The following RALYL variants were observed in gnomAD, a reference collection of about 807,000 sequenced individuals.
RALYL encodes RNA-binding Raly-like protein.
In RALYL, 29 loss-of-function variants were observed where a neutral mutation model predicts 35.1. The ratio of observed to expected loss-of-function variants is 0.83; its 90% CI spans 0.61 to 1.13. The LOEUF (loss-of-function observed/expected upper bound fraction) is 1.13, where lower values mean the gene tolerates loss of function less well. Ranked by LOEUF, RALYL falls within the 50% of genes most tolerant of loss-of-function variation. The pLI, the probability that RALYL is intolerant of heterozygous loss-of-function variation, is 0.00. For missense variants in RALYL, 359 were observed against 360.4 expected (o/e 1.00, Z 0.03); for synonymous variants, 120 against 127.6 (o/e 0.94, Z 0.40).
At chr8:84,305,578 G>GT (rs1437153922) in intron 1 of RALYL, among the ~76,000 whole-genome samples, 1 of 152,168 alleles carries the variant, frequency 6.6e-6, no homozygotes, top group Non-Finnish European at 1.5e-5. Flanking sequence ...TTCAATTGCT[G>GT]TTTTTTGTTG....
intron 2 of RALYL, among the ~76,000 whole-genome samples, chr8:84,640,436 A>G (rs1273881093): frequency 6.6e-6 from 1 of 152,018 alleles, no homozygotes; most frequent in African/African-American, 2.4e-5. Context: ...AAAGTACTTG[A>G]ATTTAATCAG....
chr8:84,307,508 A>G (rs955276269), intron 1 of RALYL, among the ~76,000 whole-genome samples: 57 of 152,214 alleles, frequency 3.7e-4, no homozygotes, highest in African/African-American at 1.3e-3. Context: ...AACCACGTAT[A>G]TTTTAAATTA....
intron 2 of RALYL, among the ~76,000 whole-genome samples, chr8:84,771,284 C>T (rs1187433527): frequency 2.0e-5 from 3 of 151,742 alleles, no homozygotes; most frequent in Non-Finnish European, 2.9e-5. Context: ...AAATATGCTA[C>T]CATTTGTTTA....
At chr8:84,525,953 C>CTTTTTTTTTTTTTTTTTTTTTTTTT (rs35794329) in intron 1 of RALYL, among the ~76,000 whole-genome samples, 10 of 104,864 alleles carry the variant, frequency 9.5e-5, no homozygotes, top group Non-Finnish European at 1.3e-4. Context: ...TTTCTTTTTT[C>CTTTTTTTTTTTTTTTTTTTTTTTTT]TTTTTTTTTT....
intron 4 of RALYL, among the ~76,000 whole-genome samples, chr8:84,814,344 AT>A (rs1010409851): frequency 2.0e-5 from 3 of 152,204 alleles, no homozygotes; most frequent in Non-Finnish European, 4.4e-5. Context: ...AGTTATTATA[AT>A]GGGGAAAGAT....
intron 2 of RALYL, among the ~76,000 whole-genome samples, chr8:84,571,716 G>A (rs1588254929): frequency 2.0e-5 from 3 of 151,784 alleles, no homozygotes; most frequent in South Asian, 4.1e-4. Flanking sequence ...TTGTTAATTT[G>A]AGATCTTTCT....
At chr8:84,358,633 A>G (rs1034884649) in intron 1 of RALYL, among the ~76,000 whole-genome samples, 1 of 152,072 alleles carries the variant, frequency 6.6e-6, no homozygotes, top group Non-Finnish European at 1.5e-5. Context: ...ATGAAATTAC[A>G]TGCTGAGAAG....
chr8:84,332,641 T>C (rs912287999), intron 1 of RALYL, among the ~76,000 whole-genome samples: 4 of 152,142 alleles, frequency 2.6e-5, no homozygotes, highest in African/African-American at 9.7e-5. Context: ...TTTCCCCTTT[T>C]TTATGTGTAC....
intron 2 of RALYL, among the ~76,000 whole-genome samples, chr8:84,566,173 C>T (rs923996055): frequency 8.6e-5 from 13 of 151,496 alleles, no homozygotes; most frequent in Non-Finnish European, 1.6e-4. Context: ...TAGAACATTT[C>T]GTGCTTTCTC....
chr8:84,623,957 T>C (rs1017278312), intron 2 of RALYL, among the ~76,000 whole-genome samples: 21 of 152,196 alleles, frequency 1.4e-4, no homozygotes, highest in Non-Finnish European at 1.5e-5. Flanking sequence ...GGAGATGAGA[T>C]ACTTCTCTTT....
intron 1 of RALYL, among the ~76,000 whole-genome samples, chr8:84,410,318 A>G (rs574664251): frequency 6.6e-6 from 1 of 152,074 alleles, no homozygotes; most frequent in African/African-American, 2.4e-5. Context: ...AACAAGGCTT[A>G]CATTTCTAAC....
intron 2 of RALYL, among the ~76,000 whole-genome samples, chr8:84,718,572 T>C (rs767003938): frequency 3.9e-5 from 6 of 152,048 alleles, no homozygotes; most frequent in Non-Finnish European, 8.8e-5. Flanking sequence ...AAAACCAGAC[T>C]GGCCAACATG....
chr8:84,503,589 A>G (rs1037433315), intron 1 of RALYL, among the ~76,000 whole-genome samples: 1 of 151,544 alleles, frequency 6.6e-6, no homozygotes, highest in Non-Finnish European at 1.5e-5. Flanking sequence ...GGTGGCTCAC[A>G]CCTGTAATCC....
At chr8:84,448,772 T>G (rs545737821) in intron 1 of RALYL, among the ~76,000 whole-genome samples, 75 of 152,186 alleles carry the variant, frequency 4.9e-4, no homozygotes, top group Non-Finnish European at 7.9e-4. Flanking sequence ...GTAAAAATCT[T>G]GGGATATATG....
At chr8:84,803,802 G>GTTGT (rs1385084626) in intron 3 of RALYL, among the ~76,000 whole-genome samples, 1 of 152,148 alleles carries the variant, frequency 6.6e-6, no homozygotes, top group Non-Finnish European at 1.5e-5. Flanking sequence ...TAGTGCCTTC[G>GTTGT]TTGTTTGGAC....
chr8:84,199,198 T>A (rs935174652), intron 1 of RALYL, among the ~76,000 whole-genome samples: 6 of 152,232 alleles, frequency 3.9e-5, no homozygotes, highest in African/African-American at 1.4e-4. Context: ...TTACCTGGGA[T>A]GAGATGATAT....
chr8:84,494,317 T>C (rs2055731057), intron 1 of RALYL, among the ~76,000 whole-genome samples: 1 of 152,184 alleles, frequency 6.6e-6, no homozygotes, highest in Non-Finnish European at 1.5e-5. Context: ...CCTTGTAGTA[T>C]AGTTTGAAGT....
At chr8:84,709,463 T>C (rs974895823) in intron 2 of RALYL, among the ~76,000 whole-genome samples, 1 of 152,130 alleles carries the variant, frequency 6.6e-6, no homozygotes, top group Non-Finnish European at 1.5e-5. Flanking sequence ...CATACATATA[T>C]GCTTTTAAAG....
intron 2 of RALYL, among the ~76,000 whole-genome samples, chr8:84,767,100 T>C (rs994995040): frequency 1.3e-5 from 2 of 152,166 alleles, no homozygotes; most frequent in African/African-American, 2.4e-5. Context: ...TAGAAATCCA[T>C]TGTGATCACC....
Sources: allele counts gnomAD v4.1 joint callset (sites outside exome capture counted in the v4.1 genomes callset), GRCh38; gene constraint gnomAD v4.1.1; transcripts MANE v1.5; gene names NCBI Gene and HGNC (gene_info 2026-07-23, HGNC 2026-07-21).